SIPA1L1: variants seen among roughly 807,000 people sequenced by gnomAD.
SIPA1L1 encodes the protein signal induced proliferation associated 1 like 1, also known as signal-induced proliferation-associated 1-like protein 1.
Under a neutral mutation model 162.7 loss-of-function variants are expected in SIPA1L1, and 26 were observed. That is an observed-to-expected ratio of 0.16 (90% confidence interval 0.12 to 0.22). The LOEUF (loss-of-function observed/expected upper bound fraction) is 0.22. SIPA1L1 is among the 10% of genes least tolerant of loss of function. The pLI is 1.00. For missense variants in SIPA1L1, 1,874 were observed against 2,241.0 expected, an observed-to-expected ratio of 0.84 and a Z score of 3.31; for synonymous variants, 829 against 837.4, an observed-to-expected ratio of 0.99 and a Z score of 0.17.
At chr14:71,557,667 C>G (rs1234338405) in intron 4 of SIPA1L1, among the ~76,000 whole-genome samples, 4 of 152,124 alleles carry the variant, frequency 2.6e-5, no homozygotes, top group Non-Finnish European at 5.9e-5. Context: ...TAAAATTAAA[C>G]TAGTCATGAT....
At chr14:71,514,531 G>A (rs1475894944) in intron 3 of SIPA1L1, among the ~76,000 whole-genome samples, 4 of 152,148 alleles carry the variant, frequency 2.6e-5, no homozygotes, top group Non-Finnish European at 5.9e-5. Context: ...ACCTTTCCCT[G>A]GTGCTGCCTG....
chr14:71,446,909 T>TG (rs1235623679), intron 2 of SIPA1L1, among the ~76,000 whole-genome samples: 5 of 109,004 alleles, frequency 4.6e-5, no homozygotes, highest in Non-Finnish European at 7.0e-5. Flanking sequence ...TTTTTTTGTT[T>TG]TTTTTTTTTT....
At chr14:71,457,906 C>T (rs1292886038) in intron 2 of SIPA1L1, among the ~76,000 whole-genome samples, 2 of 152,092 alleles carry the variant, frequency 1.3e-5, no homozygotes, top group African/African-American at 4.8e-5. Flanking sequence ...CTGCAATGAA[C>T]ATTAAGTTGT....
chr14:71,724,721 A>G lies in SIPA1L1; in HGVS notation c.4500A>G (p.Ser1500=), dbSNP rs569372457. The part of the protein sequence containing the change: ...NEIAHTRLRA[S]TRDLRASPKP... The stretch of plus-strand genomic sequence containing the variant: ...TAGCCCACACCAGGCTGCGTGCCTC[A>G]ACCAGAGACCTCCGGGCATCTCCTA... Residue 1500 remains serine, a synonymous_variant, in exon 19 of 24, where the codon TCA becomes TCG. Coordinates refer to ENST00000381232, the MANE Select transcript of SIPA1L1 (RefSeq NM_001386936.1). 9.3e-6 allele frequency: 15 copies of G among 1,614,186 alleles called. No individual in the cohort carries two copies. In the South Asian group the frequency reaches 1.5e-4, roughly 17 times the overall value.
Position 71,661,322 on chromosome 14 carries a change from C to T in SIPA1L1, c.2110C>T (p.Arg704Trp). The change falls in exon 10 of 24, where the codon CGG (arginine) becomes TGG (tryptophan). Residue 704 changes from arginine to tryptophan, a missense_variant. Transcript: ENST00000381232. ...PNNKQQLLRK[R>W]HIGNDIVTIV... ...TTTTTTCTTGTAGCTCCTGAGGAAGCGGCACATTGGAAATGATATCGTAAC... is the reference window on the plus strand; with the variant it reads ...TTTTTTCTTGTAGCTCCTGAGGAAGTGGCACATTGGAAATGATATCGTAAC... 1 of 1,612,678 alleles carries T rather than the reference C, an allele frequency of 6.2e-7. No homozygotes were observed. The highest frequency in any genetic ancestry group is 1.1e-5 in the South Asian group (1 of 90,868).
At chr14:71,479,549 C>T (rs1053605118) in intron 2 of SIPA1L1, among the ~76,000 whole-genome samples, 15 of 151,966 alleles carry the variant, frequency 9.9e-5, no homozygotes, top group African/African-American at 3.4e-4. Context: ...GCATGTGCCA[C>T]GATGCGGGGC....
intron 8 of SIPA1L1, 148 bp from the exon 9 acceptor site, chr14:71,658,185 A>G: frequency 1.7e-6 from 1 of 586,630 alleles, no homozygotes; most frequent in Non-Finnish European, 3.0e-6. Context: ...CAAATACAAA[A>G]AAAAAAAGGA....
intron 2 of SIPA1L1, among the ~76,000 whole-genome samples, chr14:71,446,906 G>GTTTTTTTTTTTT (rs1189940440): frequency 1.3e-3 from 68 of 53,226 alleles, no homozygotes; most frequent in East Asian, 3.8e-3. Context: ...TTTTTTTTTT[G>GTTTTTTTTTTTT]TTTTTTTTTT....
chr14:71,655,151 CTGT>C (rs2042953162), intron 8 of SIPA1L1, among the ~76,000 whole-genome samples: 1 of 152,082 alleles, frequency 6.6e-6, no homozygotes. Flanking sequence ...TCGCCAATGT[CTGT>C]TGTTTTCATC....
intron 5 of SIPA1L1, among the ~76,000 whole-genome samples, chr14:71,614,216 T>C (rs1430184264): frequency 7.0e-6 from 1 of 142,340 alleles, no homozygotes; most frequent in Non-Finnish European, 1.5e-5. Context: ...AGACGCTGTC[T>C]CCAAAAAAAA....
intron 2 of SIPA1L1, among the ~76,000 whole-genome samples, chr14:71,329,862 A>C (rs2034308882): frequency 1.3e-5 from 2 of 151,894 alleles, no homozygotes. Flanking sequence ...TTCCTTCAGC[A>C]TTGTGTTTTA....
intron 18 of SIPA1L1, among the ~76,000 whole-genome samples, chr14:71,724,188 CCCTTTGATTATA>C (rs2084016689): frequency 6.6e-6 from 1 of 152,146 alleles, no homozygotes; most frequent in South Asian, 2.1e-4. Flanking sequence ...CCATACTAGT[CCCTTTGATTATA>C]TTAATCACAG....
rs1046441619 is a variant in SIPA1L1 at position 71,375,541 on chromosome 14, A to T, written c.-465+54360A>T. ...CAAATGATCATGTTCCACAAATAAG[A>T]GATTTTACTTCTTTATTTCCGATCT... On this transcript the variant is annotated intron_variant, in intron 2 of 23. Transcript: ENST00000381232. 1.1e-4 allele frequency among the ~76,000 whole-genome samples: 17 copies of T among 152,082 alleles called. 1 individual carries two copies. Among genetic ancestry groups the T allele is most frequent in the African/African-American group, 4.1e-4 (17 of 41,394 alleles).
intron 12 of SIPA1L1, among the ~76,000 whole-genome samples, chr14:71,682,507 C>A (rs1378438215): frequency 6.6e-6 from 1 of 152,178 alleles, no homozygotes; most frequent in Non-Finnish European, 1.5e-5. Context: ...TCTGCAGAAC[C>A]TTCTGTGCTT....
chr14:71,608,475 T>C (rs1291185917), intron 5 of SIPA1L1, among the ~76,000 whole-genome samples: 1 of 152,170 alleles, frequency 6.6e-6, no homozygotes, highest in African/African-American at 2.4e-5. Flanking sequence ...TAATTTTTTT[T>C]CCTAAGCTAA....
intron 8 of SIPA1L1, among the ~76,000 whole-genome samples, chr14:71,654,098 A>G (rs2042861712): frequency 6.6e-6 from 1 of 152,164 alleles, no homozygotes; most frequent in Admixed American, 6.5e-5. Context: ...ATTTTTGTAA[A>G]GGAGGACGAG....
At chr14:71,347,437 A>G (rs112178107) in intron 2 of SIPA1L1, among the ~76,000 whole-genome samples, 5,342 of 152,218 alleles carry the variant, frequency 0.035, 181 homozygotes, top group African/African-American at 0.087. Flanking sequence ...TTGGCTATTA[A>G]GAATAATGTT....
intron 2 of SIPA1L1, among the ~76,000 whole-genome samples, chr14:71,494,523 C>CTT (rs201797447): frequency 7.1e-5 from 9 of 126,704 alleles, no homozygotes; most frequent in Non-Finnish European, 1.0e-4. Context: ...CTTTTCTTTT[C>CTT]TTTTTTTTTT....
chr14:71,733,848 T>C, intron 21 of SIPA1L1, 36 bp downstream of exon 21: 1 of 1,601,606 alleles, frequency 6.2e-7, no homozygotes, highest in Non-Finnish European at 8.5e-7. Context: ...CAGCCCAGGA[T>C]CCTGCAGCGG....
Sources: gnomAD v4.1 joint callset for allele counts (sites outside exome capture counted in the v4.1 genomes callset) on GRCh38, gnomAD v4.1.1 for gene constraint, MANE v1.5 for transcripts, NCBI Gene and HGNC (gene_info 2026-07-23, HGNC 2026-07-21) for gene names.